The following ZNF362 variants were observed in gnomAD, a reference collection of about 807,000 sequenced individuals.
ZNF362 encodes rotund homolog.
In ZNF362, 11 loss-of-function variants were observed where a neutral mutation model predicts 42.9. The observed-to-expected ratio is 0.26, with a 90% confidence interval of 0.16 to 0.42. The LOEUF is 0.42. Ranked by LOEUF, ZNF362 falls within the 20% of genes least tolerant of loss-of-function variation. ZNF362 has a pLI of 1.00. For synonymous variants in ZNF362, 255 were observed against 257.3 expected (o/e 0.99, Z 0.09); for missense variants, 362 against 576.2 (o/e 0.63, Z 3.81).
the ZNF362 span, among the ~76,000 whole-genome samples, chr1:33,135,221 G>A: frequency 2.6e-5 from 4 of 152,186 alleles, no homozygotes; most frequent in Non-Finnish European, 5.9e-5. Context: ...ACCTTGAAGC[G>A]AGGTTGCAGT....
chr1:33,207,234 A>T, the ZNF362 span, among the ~76,000 whole-genome samples: 7 of 152,028 alleles, frequency 4.6e-5, no homozygotes, highest in East Asian at 7.7e-4. Context: ...TTTTGCTGAT[A>T]ATGATGGTTT....
chr1:33,272,644 T>G (rs1645912802), intron 2 of ZNF362, among the ~76,000 whole-genome samples: 1 of 152,108 alleles, frequency 6.6e-6, no homozygotes, highest in Non-Finnish European at 1.5e-5. Flanking sequence ...GTATGCACAC[T>G]CAACCCCCGG....
chr1:33,236,086 T>A, the ZNF362 span, among the ~76,000 whole-genome samples: 102 of 152,204 alleles, frequency 6.7e-4, 1 homozygote, highest in East Asian at 3.9e-4. Context: ...TGAGGTCACT[T>A]CTCAGGGCTT....
the ZNF362 span, among the ~76,000 whole-genome samples, chr1:33,224,316 T>C: frequency 1.3e-5 from 2 of 152,130 alleles, no homozygotes; most frequent in Non-Finnish European, 2.9e-5. Flanking sequence ...ACTCAATAGA[T>C]GGGTTTGGCA....
chr1:33,259,425 G>T (rs552204683), intron 1 of ZNF362, among the ~76,000 whole-genome samples: 1 of 152,162 alleles, frequency 6.6e-6, no homozygotes, highest in Non-Finnish European at 1.5e-5. Flanking sequence ...GGTGGGGACC[G>T]GGTCTGAAGC....
the ZNF362 span, among the ~76,000 whole-genome samples, chr1:33,179,155 A>T: frequency 6.6e-6 from 1 of 152,366 alleles, no homozygotes; most frequent in African/African-American, 2.4e-5. Context: ...CTTCCTGCTT[A>T]TGTGACTCCA....
chr1:33,158,180 G>C, the ZNF362 span: 1 of 1,409,144 alleles, frequency 7.1e-7, no homozygotes, highest in East Asian at 2.3e-5. Flanking sequence ...CCCATGCTGT[G>C]TTTAGGACAG....
chr1:33,271,558 A>C (rs1482040258), intron 2 of ZNF362, among the ~76,000 whole-genome samples: 1 of 152,250 alleles, frequency 6.6e-6, no homozygotes, highest in African/African-American at 2.4e-5. Context: ...GGCTGCAAAC[A>C]GAGCGGGCTG....
the ZNF362 span, among the ~76,000 whole-genome samples, chr1:33,226,790 G>A: frequency 1.3e-3 from 200 of 152,248 alleles, 1 homozygote; most frequent in African/African-American, 4.4e-3. Context: ...GCTTGAACCC[G>A]GGAGGCAGAG....
intron 1 of ZNF362, chr1:33,261,337 T>C (rs1226542620): frequency 6.6e-6 from 1 of 152,194 alleles, no homozygotes; most frequent in Non-Finnish European, 1.5e-5. Flanking sequence ...CTTGACAATG[T>C]GTAAAGTGCT....
chr1:33,299,125 G>A lies in ZNF362; in HGVS notation c.*79G>A, dbSNP rs1266342547. 1.1e-5 allele frequency: 12 copies of A among 1,110,344 alleles called. No individual in the cohort carries two copies. The highest frequency in any genetic ancestry group is 1.5e-5 in the Non-Finnish European group (11 of 745,654). The allele number at this position is 1,110,344 out of a possible 1,614,324, so 68.8% of individuals were successfully genotyped here. ...GCACCAGGCCCCAGCTCCCTCCGGG[G>A]GCCCTCCAGGAACCACCAAGCTCTC... is the stretch of plus-strand genomic sequence containing the variant. On this transcript the variant is annotated 3_prime_UTR_variant, in exon 9 of 9. Transcript: ENST00000539719.
Position 33,294,002 on chromosome 1 carries a change from C to T in ZNF362, c.909-935C>T, listed in dbSNP as rs559659695. ...GTTGTTTTTCCCACAGAACTTACTACCTTCTACATGTGATTTACTTATTTC... is the reference window on the plus strand; with the variant it reads ...GTTGTTTTTCCCACAGAACTTACTATCTTCTACATGTGATTTACTTATTTC... On this transcript the variant is annotated intron_variant, in intron 6 of 8. Transcript: ENST00000539719. The surrounding 1 kb of genome is among the most constrained non-coding windows in gnomAD (Gnocchi z 4.2). Among the ~76,000 whole-genome samples the T allele has an allele frequency of 6.6e-6, 1 of 152,322 alleles. No homozygotes were observed. Among genetic ancestry groups the T allele is most frequent in the South Asian group, 2.1e-4 (1 of 4,818 alleles).
the ZNF362 span, among the ~76,000 whole-genome samples, chr1:33,228,033 A>G: frequency 6.6e-6 from 1 of 152,114 alleles, no homozygotes; most frequent in African/African-American, 2.4e-5. Context: ...TTTCTTTTAC[A>G]TAAATTTGTT....
chr1:33,269,817 C>G (rs1020950564), intron 1 of ZNF362, among the ~76,000 whole-genome samples: 3 of 152,118 alleles, frequency 2.0e-5, no homozygotes, highest in Non-Finnish European at 4.4e-5. Flanking sequence ...TGACATTCCT[C>G]CCTGGGCTGC....
chr1:33,131,793 A>G, the ZNF362 span, among the ~76,000 whole-genome samples: 1 of 152,128 alleles, frequency 6.6e-6, no homozygotes, highest in Admixed American at 6.6e-5. Flanking sequence ...CTCACATTAT[A>G]TTTATGTTGG....
At chr1:33,181,270 G>C in the ZNF362 span, 12 of 1,546,994 alleles carry the variant, frequency 7.8e-6, no homozygotes, top group Non-Finnish European at 1.0e-5. The surrounding 1 kb of genome is among the most constrained non-coding windows in gnomAD (Gnocchi z 6.5). Flanking sequence ...GCGAACGTGC[G>C]CCGGCACTCG....
the ZNF362 span, chr1:33,160,011 G>A: frequency 2.6e-6 from 4 of 1,564,206 alleles, no homozygotes; most frequent in Non-Finnish European, 3.5e-6. Flanking sequence ...GGTGAGAGGA[G>A]GAAATCGAGA....
At chr1:33,257,930 G>A (rs1645804874) in intron 1 of ZNF362, among the ~76,000 whole-genome samples, 1 of 152,102 alleles carries the variant, frequency 6.6e-6, no homozygotes, top group South Asian at 2.1e-4. Flanking sequence ...CAGTTGGAGA[G>A]CCCCCTCCCC....
the ZNF362 span, among the ~76,000 whole-genome samples, chr1:33,231,848 C>T: frequency 1.3e-5 from 2 of 152,192 alleles, no homozygotes; most frequent in Non-Finnish European, 2.9e-5. Context: ...GCTTCTAAGG[C>T]TCAGGATGTT....
Sources: gnomAD v4.1 joint callset for allele counts (sites outside exome capture counted in the v4.1 genomes callset) on GRCh38, gnomAD v4.1.1 for gene constraint, Gnocchi (gnomAD v3.1) non-coding constraint, MANE v1.5 for transcripts, NCBI Gene and HGNC (gene_info 2026-07-23, HGNC 2026-07-21) for gene names.